BLOC1S3: variants seen among roughly 807,000 people sequenced by gnomAD.
BLOC1S3 encodes the protein biogenesis of lysosomal organelles complex 1 subunit 3.
Under a neutral mutation model 9.1 loss-of-function variants are expected in BLOC1S3, and 7 were observed. The observed-to-expected ratio is 0.77, with a 90% CI of 0.44 to 1.45. The LOEUF is 1.45. Among genes scored for constraint, BLOC1S3 ranks in the 40% most tolerant of loss-of-function variants. BLOC1S3 has a pLI of 0.01. For missense variants in BLOC1S3, 307 were observed against 315.2 expected (o/e 0.97, Z 0.20); for synonymous variants, 145 against 158.4 (o/e 0.92, Z 0.64).
At chr19:45,208,194 G>A (rs889798985) in intron 3 of BLOC1S3, among the ~76,000 whole-genome samples, 3 of 150,418 alleles carry the variant, frequency 2.0e-5, no homozygotes, top group Non-Finnish European at 4.5e-5. Flanking sequence ...AGCTGGTCTC[G>A]AACTCCTGAT....
intron 3 of BLOC1S3, among the ~76,000 whole-genome samples, chr19:45,209,292 G>A (rs139330969): frequency 0.012 from 1,827 of 152,098 alleles, 18 homozygotes; most frequent in South Asian, 0.031. Flanking sequence ...CAAGTGATCC[G>A]CCCACCTTGG....
intron 3 of BLOC1S3, among the ~76,000 whole-genome samples, chr19:45,211,167 C>G (rs1969767244): frequency 6.6e-6 from 1 of 151,870 alleles, no homozygotes; most frequent in Non-Finnish European, 1.5e-5. Context: ...TTCCTCAACT[C>G]CTCTCTTGCT....
At chr19:45,213,449 AT>A (rs1377679076) in intron 3 of BLOC1S3, 79 of 1,501,824 alleles carry the variant, frequency 5.3e-5, no homozygotes, top group Non-Finnish European at 6.8e-5. Flanking sequence ...CCCCTCACCT[AT>A]CCCAGAAATT....
downstream of BLOC1S3, among the ~76,000 whole-genome samples, chr19:45,183,020 G>A (rs1214940425): frequency 2.0e-5 from 3 of 152,130 alleles, no homozygotes; most frequent in Admixed American, 1.3e-4. Flanking sequence ...AGGGAGAACA[G>A]CATATGCGAG....
Position 45,191,195 on chromosome 19 carries a change from T to A in BLOC1S3, n.180+3455T>A, listed in dbSNP as rs1162444354. 5.9e-5 allele frequency among the ~76,000 whole-genome samples: 9 copies of A among 151,864 alleles called. No individual in the cohort carries two copies. In the Admixed American group the frequency reaches 5.9e-4, roughly 10 times the overall value. On this transcript the variant is annotated intron_variant and non_coding_transcript_variant, in intron 2 of 3. Transcript: ENST00000591569. ...TGGAGTGCAATGGCACGATCTCGGC[T>A]CACCACAACCTCCGCCTCCCTGGTT...
chr19:45,215,746 T>C (rs769490186), intron 3 of BLOC1S3, among the ~76,000 whole-genome samples: 8 of 152,136 alleles, frequency 5.3e-5, no homozygotes, highest in African/African-American at 9.6e-5. Context: ...TGTGCGCCCG[T>C]GTGCCCTGCG....
At position 45,180,458 on chromosome 19, in the gene BLOC1S3, A is replaced by G. The variant is rs541332923; in HGVS notation, c.*553A>G. The G allele has an allele frequency of 1.3e-5, 2 of 153,762 alleles. No homozygotes were observed. The highest frequency in any genetic ancestry group is 3.9e-4 in the East Asian group (2 of 5,150). The allele number at this position is 153,762 out of a possible 1,614,324, so 9.5% of individuals were successfully genotyped here. On this transcript the variant is annotated 3_prime_UTR_variant, in exon 2 of 2. Transcript: ENST00000433642. ...TTTGAAGAGGGGAGAAGGTCTCACT[A>G]TGTTGCCCAGGCTTGTCTCAAACTC...
rs532483383 is a variant in BLOC1S3 at position 45,205,688 on chromosome 19, AG to A, written n.282+3183del. ...CTTCTGCTCTTCAACAAACATTATT[AG>A]GAGAATGAAAAGATAAGCCAAACAG... On this transcript the variant is annotated intron_variant and non_coding_transcript_variant, in intron 3 of 3. Coordinates refer to the BLOC1S3 transcript ENST00000591569. 4.4e-3 allele frequency among the ~76,000 whole-genome samples: 665 copies of A among 152,302 alleles called. 2 individuals are homozygous for A. The highest frequency in any genetic ancestry group is 0.015 in the African/African-American group (626 of 41,574).
At position 45,210,289 on chromosome 19, in the gene BLOC1S3, C is replaced by CTTT. The variant is rs71173125; in HGVS notation, n.283-6361_283-6359dup. The stretch of plus-strand genomic sequence containing the variant: ...ATATACATAAAATTTACTATTTTAA[C>CTTT]TTTTTTTTTTTTTTTTTTTTTTTTT... On this transcript the variant is annotated intron_variant and non_coding_transcript_variant, in intron 3 of 3. Transcript: ENST00000591569. 2.3e-3 allele frequency among the ~76,000 whole-genome samples: 174 copies of CTTT among 74,434 alleles called. 13 individuals are homozygous for CTTT. Among genetic ancestry groups the CTTT allele is most frequent in the African/African-American group, 6.8e-3 (127 of 18,708 alleles). The allele number at this position is 74,434 out of a possible 152,430, so 48.8% of individuals were successfully genotyped here.
intron 2 of BLOC1S3, among the ~76,000 whole-genome samples, chr19:45,200,083 A>C (rs1310093941): frequency 1.3e-5 from 2 of 151,836 alleles, no homozygotes; most frequent in African/African-American, 4.8e-5. Context: ...ATATTTTCAA[A>C]TAGCCTGTCT....
intron 3 of BLOC1S3, chr19:45,212,779 A>G: frequency 3.1e-6 from 1 of 321,300 alleles, no homozygotes; most frequent in Non-Finnish European, 5.6e-6. Flanking sequence ...TTTTTTGTAG[A>G]GATAGGGGGC....
At chr19:45,186,488 T>C (rs1969566592), downstream of BLOC1S3, among the ~76,000 whole-genome samples, 3 of 152,204 alleles carry the variant, frequency 2.0e-5, no homozygotes, top group South Asian at 6.2e-4. Flanking sequence ...GCAGATCACC[T>C]GAGGTCAGTA....
intron 3 of BLOC1S3, among the ~76,000 whole-genome samples, chr19:45,212,119 GAC>G (rs1394843189): frequency 2.0e-5 from 3 of 152,228 alleles, no homozygotes; most frequent in African/African-American, 7.2e-5. Flanking sequence ...ACCAGGAATG[GAC>G]AGGCACTTTG....
chr19:45,197,565 C>A (rs1386688859), intron 2 of BLOC1S3, among the ~76,000 whole-genome samples: 1 of 151,542 alleles, frequency 6.6e-6, no homozygotes, highest in South Asian at 2.1e-4. Context: ...GGTGGCTCCC[C>A]CTGTGATCCT....
chr19:45,206,044 C>T (rs1969723126), intron 3 of BLOC1S3, among the ~76,000 whole-genome samples: 1 of 152,108 alleles, frequency 6.6e-6, no homozygotes, highest in Admixed American at 6.6e-5. Flanking sequence ...GAGATACCGT[C>T]TCTACAAACA....
chr19:45,206,179 A>G (rs541639370), intron 3 of BLOC1S3, among the ~76,000 whole-genome samples: 2 of 152,048 alleles, frequency 1.3e-5, no homozygotes, highest in Admixed American at 6.6e-5. Context: ...TAAACCCCGT[A>G]TCTAGTAAAA....
chr19:45,197,415 A>G (rs189145509), intron 2 of BLOC1S3, among the ~76,000 whole-genome samples: 5 of 150,664 alleles, frequency 3.3e-5, no homozygotes, highest in African/African-American at 1.2e-4. Flanking sequence ...TGAACCCGGG[A>G]GGTGGAGTTT....
intron 3 of BLOC1S3, among the ~76,000 whole-genome samples, chr19:45,212,022 C>T (rs1969777067): frequency 6.6e-6 from 1 of 152,090 alleles, no homozygotes. Context: ...TGCCGCCAGC[C>T]CTGCCCCCAA....
intron 3 of BLOC1S3, among the ~76,000 whole-genome samples, chr19:45,213,737 G>C (rs1969803884): frequency 1.3e-5 from 2 of 151,828 alleles, no homozygotes; most frequent in Non-Finnish European, 1.5e-5. Flanking sequence ...CTGAGGTCAG[G>C]AGTTCGAGAC....
Sources: gnomAD v4.1 joint callset for allele counts (sites outside exome capture counted in the v4.1 genomes callset) on GRCh38, gnomAD v4.1.1 for gene constraint, MANE v1.5 for transcripts, NCBI Gene and HGNC (gene_info 2026-07-23, HGNC 2026-07-21) for gene names.